SUGP2: variants seen among roughly 807,000 people sequenced by gnomAD.
The protein encoded by SUGP2 is SURP and G-patch domain containing 2, also known as SURP and G-patch domain-containing protein 2.
In SUGP2, 24 loss-of-function variants were observed where a neutral mutation model predicts 90.5. The ratio of observed to expected loss-of-function variants is 0.27; its 90% CI spans 0.19 to 0.37. SUGP2 has a LOEUF of 0.37. SUGP2 is among the 10% of genes least tolerant of loss of function. The pLI is 1.00. For synonymous variants in SUGP2, 473 were observed against 513.4 expected, an observed-to-expected ratio of 0.92 and a Z score of 1.06; for missense variants, 1,233 against 1,363.3, an observed-to-expected ratio of 0.90 and a Z score of 1.51.
At chr19:19,003,663 T>G (rs957839387) in intron 7 of SUGP2, 1 of 153,406 alleles carries the variant, frequency 6.5e-6, no homozygotes, top group African/African-American at 2.4e-5. Context: ...GTTTCACTGC[T>G]GGTAAATTAT....
chr19:19,030,501 T>G (rs2059112175), intron 2 of SUGP2, among the ~76,000 whole-genome samples: 1 of 151,474 alleles, frequency 6.6e-6, no homozygotes, highest in Non-Finnish European at 1.5e-5. Context: ...GAGACAAGAG[T>G]GAAACTCCGT....
intron 3 of SUGP2, among the ~76,000 whole-genome samples, chr19:19,023,698 A>G (rs889702974): frequency 7.2e-5 from 11 of 152,080 alleles, no homozygotes; most frequent in African/African-American, 2.7e-4. Flanking sequence ...CAGGAGTTCG[A>G]GACCAGTCTG....
At chr19:19,023,274 G>A (rs749136012) in intron 3 of SUGP2, among the ~76,000 whole-genome samples, 1 of 152,172 alleles carries the variant, frequency 6.6e-6, no homozygotes, top group African/African-American at 2.4e-5. Flanking sequence ...GGCTAGACTG[G>A]AGCCTCTCCT....
In SUGP2 at chr19:19,025,046, G is replaced by C. The variant is rs759349076; in HGVS notation, c.1302C>G (p.Asp434Glu). 1.9e-6 allele frequency: 3 copies of C among 1,614,190 alleles called. No individual in the cohort carries two copies. The East Asian group carries it at 6.7e-5, about 36-fold the overall frequency. Reference protein sequence around the residue: ...PFDKYIMRLQDRLLKSVTPLL... With the variant: ...PFDKYIMRLQERLLKSVTPLL... ...AAGGTGTGACACTCTTCAGAAGCCG[G>C]TCTTGAAGTCTCATTATGTACTTGT... The change falls in exon 3 of 11, where the codon GAC becomes GAG. Residue 434 changes from aspartate (D) to glutamate (E), a missense_variant. This residue lies in a region of SUGP2 where 59 missense variants were observed against 92.6 expected (regional missense o/e 0.64). Coordinates refer to ENST00000452918, the MANE Select transcript of SUGP2 (RefSeq NM_001017392.5).
intron 1 of SUGP2, 27 bp downstream of exon 1, chr19:19,033,410 C>T: frequency 7.7e-7 from 1 of 1,300,040 alleles, no homozygotes. Flanking sequence ...GAGCCACCCA[C>T]CGACGACGCC....
rs549847471 is a variant in SUGP2, at chr19:18,992,782, C to T, written c.*959G>A. Reference sequence around the variant, plus strand: ...GATCCTAAGTTTTCCAGATTTTTGCCCATACTTAAAACTTCAACGATCCTG... The same window carrying T: ...GATCCTAAGTTTTCCAGATTTTTGCTCATACTTAAAACTTCAACGATCCTG... On this transcript the variant is annotated 3_prime_UTR_variant, in exon 11 of 11. Coordinates refer to ENST00000452918, the MANE Select transcript of SUGP2 (RefSeq NM_001017392.5). 2.0e-5 allele frequency: 3 copies of T among 152,208 alleles called. No homozygotes were observed. Among genetic ancestry groups the T allele is most frequent in the South Asian group, 2.1e-4 (1 of 4,820 alleles). 9.4% of individuals were successfully genotyped at this position (152,208 alleles called of 1,614,324 possible).
At position 19,033,426 on chromosome 19, in the gene SUGP2, C is replaced by A; in HGVS notation, c.-12+11G>T. 2 of 1,367,158 alleles carry A rather than the reference C, an allele frequency of 1.5e-6. No homozygotes were observed. Among genetic ancestry groups the A allele is most frequent in the South Asian group, 2.9e-5 (2 of 70,160 alleles). The allele number at this position is 1,367,158 out of a possible 1,614,324, so 84.7% of individuals were successfully genotyped here. A position where few individuals can be genotyped will look rare whatever the true frequency, so the allele number is the denominator to read the frequency against. On this transcript the variant is annotated intron_variant, in intron 1 of 10. Coordinates refer to ENST00000452918, the MANE Select transcript of SUGP2 (RefSeq NM_001017392.5). ...AGCCACCCACCGACGACGCCAGGGC[C>A]CGGGCCTCACCCCGAGACCACCGCG... is the stretch of plus-strand genomic sequence containing the variant.
In SUGP2 at chr19:19,027,071, G is replaced by A. The variant is rs1229586444; in HGVS notation, c.122-845C>T. On this transcript the variant is annotated intron_variant, in intron 2 of 10. Transcript: ENST00000452918. ...GAGGTGGGAGGATCACTTGAGCCCA[G>A]GAGTTTGAGACCAGCCTGGGCAACA... Among the ~76,000 whole-genome samples, 3 of 152,236 alleles carry A rather than the reference G, an allele frequency of 2.0e-5. No individual in the cohort carries two copies. The East Asian group carries it at 5.8e-4, about 29-fold the overall frequency.
intron 4 of SUGP2, 30 bp downstream of exon 4, chr19:19,019,079 G>T: frequency 6.2e-7 from 1 of 1,605,362 alleles, no homozygotes. Context: ...CCATGAGAGG[G>T]ATTCACAGCG....
intron 7 of SUGP2, among the ~76,000 whole-genome samples, chr19:19,003,325 A>G (rs2057922851): frequency 6.6e-6 from 1 of 152,236 alleles, no homozygotes; most frequent in Non-Finnish European, 1.5e-5. Context: ...ACAACTTCAC[A>G]CATAGGTTTT....
intron 5 of SUGP2, 107 bp downstream of exon 5, chr19:19,009,748 A>G: frequency 7.1e-7 from 1 of 1,414,192 alleles, no homozygotes; most frequent in Non-Finnish European, 9.5e-7. Context: ...TAGAGCTTTT[A>G]TCCACTGCCT....
chr19:19,021,153 C>T (rs148427878), intron 3 of SUGP2, among the ~76,000 whole-genome samples: 1,576 of 68,164 alleles, frequency 0.023, 16 homozygotes, highest in East Asian at 0.069. Context: ...GAGCAAAATT[C>T]CATCTCAAAA....
chr19:19,029,929 CA>C (rs142607765), intron 2 of SUGP2, among the ~76,000 whole-genome samples: 3,478 of 150,464 alleles, frequency 0.023, 129 homozygotes, highest in African/African-American at 0.081. Context: ...GGCGACAGTA[CA>C]AGACTCTGTC....
Position 19,004,204 on chromosome 19 carries a change from C to T in SUGP2, c.2893G>A (p.Ala965Thr). The T allele has an allele frequency of 6.3e-7, 1 of 1,590,138 alleles. No individual in the cohort carries two copies. Among genetic ancestry groups the T allele is most frequent in the South Asian group, 1.1e-5 (1 of 87,300 alleles). The change falls in exon 7 of 11, where the codon GCT becomes ACT. Residue 965 changes from alanine to threonine, a missense_variant. Physicochemically the swap from Ala to Thr is moderately conservative, Grantham distance 58. Transcript: ENST00000452918. ...TGGATGAGACACACTCTCTTGGGAG[C>T]TGGAATCATGCCAACCTTCAATGAC... ...SKSLKVGMIP[A>T]PKRVCLIQEP...
intron 8 of SUGP2, among the ~76,000 whole-genome samples, chr19:18,997,858 A>G (rs2057674254): frequency 6.6e-6 from 1 of 152,078 alleles, no homozygotes; most frequent in Non-Finnish European, 1.5e-5. Flanking sequence ...AGGTGGGACT[A>G]AAGTAGCAGC....
Position 19,026,106 on chromosome 19 carries a change from C to T in SUGP2, c.242G>A (p.Arg81Lys). 1 of 1,614,168 alleles carries T rather than the reference C, an allele frequency of 6.2e-7. No individual in the cohort carries two copies. The highest frequency in any genetic ancestry group is 8.5e-7 in the Non-Finnish European group (1 of 1,180,038). ...GGAAGGCCCTGGAAATACGTCACTTCTCAGGCCTTCTCTTCCGGCATCTCT... is the reference window on the plus strand; with the variant it reads ...GGAAGGCCCTGGAAATACGTCACTTTTCAGGCCTTCTCTTCCGGCATCTCT... ...HSRDAGREGL[R>K]SDVFPGPSFR... The change falls in exon 3 of 11, where the codon AGA becomes AAA. Residue 81 changes from arginine to lysine, a missense_variant. Around this residue, in one of 8 missense-constraint regions of SUGP2, gnomAD observed 418 missense variants for 399.9 expected, o/e 1.05. Transcript: ENST00000452918.
intron 1 of SUGP2, 144 bp from the exon 2 acceptor site, chr19:19,031,226 G>A: frequency 1.2e-6 from 1 of 803,322 alleles, no homozygotes. Flanking sequence ...TAGGCAACAT[G>A]ATGAAACTAA....
intron 2 of SUGP2, among the ~76,000 whole-genome samples, chr19:19,027,133 C>T (rs528577776): frequency 3.9e-5 from 6 of 152,090 alleles, no homozygotes; most frequent in African/African-American, 9.6e-5. Flanking sequence ...TAAAAAAGGG[C>T]GGAGGGGAAG....
intron 4 of SUGP2, among the ~76,000 whole-genome samples, chr19:19,010,728 G>A (rs934599317): frequency 6.6e-6 from 1 of 152,244 alleles, no homozygotes; most frequent in Non-Finnish European, 1.5e-5. Flanking sequence ...ATCAAGGAAA[G>A]TGTGATGTGA....
Sources: gnomAD v4.1 joint callset for allele counts (sites outside exome capture counted in the v4.1 genomes callset) on GRCh38, gnomAD v4.1.1 for gene constraint, gnomAD v4.1.1 regional missense constraint, MANE v1.5 for transcripts, NCBI Gene and HGNC (gene_info 2026-07-23, HGNC 2026-07-21) for gene names.